FOLH1: variants seen among roughly 807,000 people sequenced by gnomAD.
FOLH1 encodes the protein glutamate carboxypeptidase 2.
Under a neutral mutation model 93.9 loss-of-function variants are expected in FOLH1, and 54 were observed. That is an observed-to-expected ratio of 0.57 (90% CI 0.46 to 0.72). FOLH1 has a LOEUF of 0.72. Among genes scored for constraint, FOLH1 ranks in the 30% least tolerant of loss-of-function variants. The pLI, the probability that FOLH1 is intolerant of heterozygous loss-of-function variation, is 0.00. For missense variants in FOLH1, 571 were observed against 892.5 expected (o/e 0.64, Z 4.59); for synonymous variants, 249 against 303.6 (o/e 0.82, Z 1.87).
At chr11:49,184,275 A>G (rs181062012) in intron 6 of FOLH1, among the ~76,000 whole-genome samples, 349 of 152,298 alleles carry the variant, frequency 2.3e-3, no homozygotes, top group Non-Finnish European at 3.7e-3. Context: ...CTACTTTTGT[A>G]TATGTTAGAA....
chr11:49,182,848 G>A (rs1860931268), intron 7 of FOLH1, among the ~76,000 whole-genome samples: 1 of 152,070 alleles, frequency 6.6e-6, no homozygotes, highest in Non-Finnish European at 1.5e-5. Context: ...CCTACAGGAA[G>A]CATGGTCTTG....
chr11:49,155,984 G>A (rs1856992353), intron 15 of FOLH1, among the ~76,000 whole-genome samples: 1 of 151,428 alleles, frequency 6.6e-6, no homozygotes, highest in African/African-American at 2.4e-5. Flanking sequence ...GGAGGTAATT[G>A]AATCATGGGG....
chr11:49,185,793 G>C lies in FOLH1; in HGVS notation c.702C>G (p.Tyr234Ter). 1 of 1,607,306 alleles carries C rather than the reference G, an allele frequency of 6.2e-7. No individual in the cohort carries two copies. Among genetic ancestry groups the C allele is most frequent in the Non-Finnish European group, 8.5e-7 (1 of 1,177,750 alleles). ...GVILYSDPAD[Y>*]FAPGVKSYPD... ...GATAGGACTTCACCCCAGGAGCAAA[G>C]TAGTCAGCAGGGTCGGAGTAGAGAA... Residue 234 changes from tyrosine (Y) to a stop codon, truncating the protein, a stop_gained, in exon 6 of 19, where the codon TAC becomes TAG. Coordinates refer to ENST00000256999, the MANE Select transcript of FOLH1 (RefSeq NM_004476.3). LOFTEE classifies it high-confidence loss of function.
intron 2 of FOLH1, among the ~76,000 whole-genome samples, chr11:49,203,483 T>C (rs1368659206): frequency 2.0e-5 from 3 of 151,870 alleles, no homozygotes; most frequent in Non-Finnish European, 4.4e-5. Flanking sequence ...TTTAATAGTC[T>C]CTGACCCATG....
At chr11:49,160,216 TTTC>T (rs1857534838) in intron 13 of FOLH1, among the ~76,000 whole-genome samples, 1 of 152,136 alleles carries the variant, frequency 6.6e-6, no homozygotes, top group Non-Finnish European at 1.5e-5. Context: ...TCTTATCACT[TTTC>T]TTCTTTATTA....
chr11:49,155,725 C>A (rs981466429), intron 15 of FOLH1, among the ~76,000 whole-genome samples: 8 of 141,950 alleles, frequency 5.6e-5, no homozygotes, highest in Non-Finnish European at 1.2e-4. Context: ...AATTATAAAC[C>A]ACTGTTCTTA....
intron 3 of FOLH1, among the ~76,000 whole-genome samples, chr11:49,193,560 G>A (rs2135262312): frequency 6.6e-6 from 1 of 152,068 alleles, no homozygotes; most frequent in East Asian, 1.9e-4. Context: ...TACATGATTG[G>A]GGAATCCACA....
Position 49,182,550 on chromosome 11 carries a change from C to T in FOLH1, c.920+599G>A, listed in dbSNP as rs1274404320. On this transcript the variant is annotated intron_variant, in intron 7 of 18. Coordinates refer to ENST00000256999, the MANE Select transcript of FOLH1 (RefSeq NM_004476.3). ...TTATTCTGGGTCCTCCCAGACGTAGCCAGTAAGAGGAATACATGAGTAAGA... is the reference window on the plus strand; with the variant it reads ...TTATTCTGGGTCCTCCCAGACGTAGTCAGTAAGAGGAATACATGAGTAAGA... 3.8e-5 allele frequency among the ~76,000 whole-genome samples: 5 copies of T among 132,284 alleles called. No homozygotes were observed. In the South Asian group the frequency reaches 9.8e-4, roughly 26 times the overall value. 86.8% of individuals were successfully genotyped at this position (132,284 alleles called of 152,430 possible).
Position 49,186,626 on chromosome 11 carries a change from A to G in FOLH1, c.639+18T>C, listed in dbSNP as rs141677791. The G allele has an allele frequency of 1.2e-6, 2 of 1,606,534 alleles. No individual in the cohort carries two copies. The highest frequency in any genetic ancestry group is 1.1e-5 in the South Asian group (1 of 89,664). ...TTTACATTGGGGGAGAGAAAAAAAG[A>G]GATAATTTTTACCTTACCTTATTTC... On this transcript the variant is annotated intron_variant, in intron 5 of 18. Coordinates refer to ENST00000256999, the MANE Select transcript of FOLH1 (RefSeq NM_004476.3).
At chr11:49,173,538 T>C (rs202718) in intron 9 of FOLH1, 62 bp from the exon 10 acceptor site, 1,101,522 of 1,254,432 alleles carry the variant, frequency 0.88, 485,605 homozygotes, top group South Asian at 0.95. Flanking sequence ...AAATTGCAAA[T>C]GACTCAATAG....
intron 4 of FOLH1, among the ~76,000 whole-genome samples, chr11:49,190,371 T>C (rs1861896963): frequency 6.6e-6 from 1 of 152,244 alleles, no homozygotes; most frequent in Non-Finnish European, 1.5e-5. Context: ...AAAAGAGCTT[T>C]GTTTTTAGAC....
At position 49,174,786 on chromosome 11, in the gene FOLH1, T is replaced by C; in HGVS notation, c.1105+106A>G. On this transcript the variant is annotated intron_variant, in intron 9 of 18. Transcript: ENST00000256999. ...GAGTTCCACCGATTTTCTTCGTTTG[T>C]TTGTTTGTTTGTTTGTTTTGATTCA... is the stretch of plus-strand genomic sequence containing the variant. 3.0e-6 allele frequency: 3 copies of C among 991,976 alleles called. No individual in the cohort carries two copies. The African/African-American group carries it at 5.0e-5, about 16-fold the overall frequency. 61.4% of individuals were successfully genotyped at this position (991,976 alleles called of 1,614,324 possible).
intron 11 of FOLH1, among the ~76,000 whole-genome samples, chr11:49,170,080 T>C (rs537880760): frequency 1.3e-5 from 2 of 151,890 alleles, no homozygotes; most frequent in East Asian, 1.9e-4. Flanking sequence ...TCACATAATA[T>C]CTGGAGTATG....
At chr11:49,178,208 C>T (rs1860327751) in intron 7 of FOLH1, among the ~76,000 whole-genome samples, 1 of 152,198 alleles carries the variant, frequency 6.6e-6, no homozygotes, top group African/African-American at 2.4e-5. Flanking sequence ...AAATCAGACA[C>T]TACCTCTTCA....
chr11:49,153,102 A>C (rs1262863280), intron 17 of FOLH1, among the ~76,000 whole-genome samples: 1 of 152,160 alleles, frequency 6.6e-6, no homozygotes, highest in Non-Finnish European at 1.5e-5. Flanking sequence ...TATTTATATC[A>C]TGATACTATA....
chr11:49,165,463 T>C (rs891613021), intron 12 of FOLH1, among the ~76,000 whole-genome samples: 3 of 152,096 alleles, frequency 2.0e-5, no homozygotes, highest in Non-Finnish European at 2.9e-5. Flanking sequence ...GTTGTGACAA[T>C]CAAGTGAAGC....
chr11:49,187,380 T>C (rs1021274809), intron 4 of FOLH1, among the ~76,000 whole-genome samples: 2 of 152,128 alleles, frequency 1.3e-5, no homozygotes, highest in Non-Finnish European at 2.9e-5. Flanking sequence ...ATTTTGACAA[T>C]GTCCCCCTTC....
In FOLH1 at chr11:49,183,171, A is replaced by G. The variant is rs1405521342; in HGVS notation, c.898T>C (p.Tyr300His). 1.2e-5 allele frequency: 19 copies of G among 1,612,276 alleles called. No individual in the cohort carries two copies. Among genetic ancestry groups the G allele is most frequent in the Non-Finnish European group, 1.6e-5 (19 of 1,179,046 alleles). Residue 300 changes from tyrosine (Y) to histidine (H), a missense_variant, in exon 7 of 19, where the codon TAT becomes CAT. Transcript: ENST00000256999. ...TACTCTAGGAGCTTCTGTGCATCAT[A>G]GTATCCAATTGGATGAACAGGAATA... ...PSIPVHPIGY[Y>H]DAQKLLEKMG... is the part of the protein sequence containing the mutation.
intron 15 of FOLH1, 102 bp from the exon 16 acceptor site, chr11:49,154,594 T>A (rs1298462879): frequency 6.7e-7 from 1 of 1,502,598 alleles, no homozygotes; most frequent in Non-Finnish European, 8.9e-7. Flanking sequence ...CAGTGATGGA[T>A]CAAGGAAAGT....
Sources: allele counts gnomAD v4.1 joint callset (sites outside exome capture counted in the v4.1 genomes callset), GRCh38; gene constraint gnomAD v4.1.1; transcripts MANE v1.5; gene names NCBI Gene and HGNC (gene_info 2026-07-23, HGNC 2026-07-21).